Variants in TBCD observed in about 807,000 individuals in gnomAD.
TBCD encodes the protein tubulin folding cofactor D, also known as tubulin-specific chaperone D.
A neutral mutation model predicts 169.3 loss-of-function variants in TBCD; 105 were observed. The ratio of observed to expected loss-of-function variants is 0.62; its 90% CI spans 0.53 to 0.73. TBCD has a LOEUF of 0.73. Ranked by LOEUF, TBCD falls within the 30% of genes least tolerant of loss-of-function variation. The probability of loss-of-function intolerance (pLI) is 0.00; values close to 1 mark genes in which losing one functional copy is unlikely to be tolerated. For synonymous variants in TBCD, 700 were observed against 643.9 expected (o/e 1.09, Z -1.32); for missense variants, 1,444 against 1,600.1 (o/e 0.90, Z 1.66).
Position 82,831,276 on chromosome 17 carries a change from T to G in TBCD, c.1318+16342T>G, listed in dbSNP as rs1375704251. On this transcript the variant is annotated intron_variant, in intron 13 of 38. Transcript: ENST00000355528. The surrounding 1 kb of genome is among the most constrained non-coding windows in gnomAD (Gnocchi z 4.6). ...GGCTCATTTTGGACCCTTCCGTGTC[T>G]CTCTGCCCAGCCTTGGAGGAGTCTT... The G allele has an allele frequency of 6.2e-7, 1 of 1,613,904 alleles. No homozygotes were observed. The highest frequency in any genetic ancestry group is 1.7e-5 in the Admixed American group (1 of 60,020).
intron 9 of TBCD, among the ~76,000 whole-genome samples, chr17:82,803,258 G>A (rs1345966752): frequency 1.7e-4 from 26 of 152,178 alleles, no homozygotes; most frequent in Non-Finnish European, 1.5e-5. Flanking sequence ...TCCACAGCAT[G>A]GTCCTTGCTT....
chr17:82,774,038 C>CTTTT (rs34066502), intron 6 of TBCD, among the ~76,000 whole-genome samples: 172 of 138,530 alleles, frequency 1.2e-3, no homozygotes, highest in African/African-American at 4.4e-3. Context: ...CCGAGTGTGT[C>CTTTT]TTTTTTTTTT....
In TBCD at chr17:82,905,951, T is replaced by C. The variant is rs774177848; in HGVS notation, c.1820T>C (p.Leu607Pro). The C allele has an allele frequency of 6.2e-7, 1 of 1,612,670 alleles. No homozygotes were observed. Among genetic ancestry groups the C allele is most frequent in the Non-Finnish European group, 8.5e-7 (1 of 1,179,310 alleles). ...FSATQVFPRL[L>P]SMTLSPDLHM... Reference sequence around the variant, plus strand: ...TCTCTTGCAGTCTTCCCGAGGCTGCTGTCCATGACACTGAGTCCAGATCTT... The same window carrying C: ...TCTCTTGCAGTCTTCCCGAGGCTGCCGTCCATGACACTGAGTCCAGATCTT... The change falls in exon 20 of 39, where the codon CTG becomes CCG. Residue 607 changes from leucine to proline, a missense_variant. Physicochemically the swap from Leu to Pro is moderately conservative, Grantham distance 98. Coordinates refer to ENST00000355528, the MANE Select transcript of TBCD (RefSeq NM_005993.5).
At chr17:82,760,963 C>CTT (rs34838658) in intron 2 of TBCD, among the ~76,000 whole-genome samples, 2 of 144,416 alleles carry the variant, frequency 1.4e-5, no homozygotes, top group African/African-American at 5.1e-5. Flanking sequence ...GTTTTTCAGT[C>CTT]TTTTTTTTTT....
At position 82,832,294 on chromosome 17, in the gene TBCD, G is replaced by C. The variant is rs1177575279; in HGVS notation, c.1318+17360G>C. On this transcript the variant is annotated intron_variant, in intron 13 of 38. Transcript: ENST00000355528. This position sits in a 1 kb window ranked among gnomAD's most constrained non-coding sequence, Gnocchi z 4.9. ...AACTCGATCCTGCTCTGATACTAAA[G>C]TAATCGAGTTTTTACAAAGACCATA... 1 of 1,614,248 alleles carries C rather than the reference G, an allele frequency of 6.2e-7. No individual in the cohort carries two copies. Among genetic ancestry groups the C allele is most frequent in the Non-Finnish European group, 8.5e-7 (1 of 1,180,052 alleles).
At chr17:82,888,199 C>T (rs946222256) in intron 15 of TBCD, among the ~76,000 whole-genome samples, 13 of 152,168 alleles carry the variant, frequency 8.5e-5, no homozygotes, top group African/African-American at 3.1e-4. Flanking sequence ...GATGCTGTCC[C>T]GTGTTTTCTG....
intron 2 of TBCD, among the ~76,000 whole-genome samples, chr17:82,758,300 C>A (rs1385975871): frequency 6.9e-6 from 1 of 144,594 alleles, no homozygotes; most frequent in Non-Finnish European, 1.5e-5. Flanking sequence ...AGGAGAATTG[C>A]CCGAACCCAG....
chr17:82,815,401 C>A (rs2051804579), intron 13 of TBCD, among the ~76,000 whole-genome samples: 1 of 152,174 alleles, frequency 6.6e-6, no homozygotes, highest in South Asian at 2.1e-4. Context: ...TCCTGGGTCA[C>A]CTGGAGTGAC....
chr17:82,849,991 C>CTGTTGGCTGTGTTGT (rs2055541542), intron 13 of TBCD, among the ~76,000 whole-genome samples: 1 of 122,386 alleles, frequency 8.2e-6, no homozygotes, highest in African/African-American at 3.2e-5. Context: ...GGCTGTGCTG[C>CTGTTGGCTGTGTTGT]TGTTGGCTGT....
At position 82,830,957 on chromosome 17, in the gene TBCD, C is replaced by T. The variant is rs1337207718; in HGVS notation, c.1318+16023C>T. 8.7e-6 allele frequency: 14 copies of T among 1,613,288 alleles called. No homozygotes were observed. The East Asian group carries it at 2.9e-4, about 33-fold the overall frequency. On this transcript the variant is annotated intron_variant, in intron 13 of 38. Coordinates refer to ENST00000355528, the MANE Select transcript of TBCD (RefSeq NM_005993.5). Reference sequence around the variant, plus strand: ...TGAAGCAGTGTGAGCAAGTATAAGCCTGGCTCATGGAACCCAACCAGAAAC... The same window carrying T: ...TGAAGCAGTGTGAGCAAGTATAAGCTTGGCTCATGGAACCCAACCAGAAAC...
intron 2 of TBCD, among the ~76,000 whole-genome samples, chr17:82,758,397 A>ATAAATT (rs1453813033): frequency 7.8e-6 from 1 of 127,422 alleles, no homozygotes; most frequent in African/African-American, 3.0e-5. Context: ...AAAAAAAAAA[A>ATAAATT]AAAAAATAAA....
At position 82,752,276 on chromosome 17, in the gene TBCD, A is replaced by C; in HGVS notation, c.83A>C (p.Glu28Ala). The change falls in exon 1 of 39, where the codon GAA becomes GCA. Residue 28 changes from glutamate (E) to alanine (A), a missense_variant. Transcript: ENST00000355528. ...DETLAFGAAL[E>A]AFGESAETRA... ...ACACTGGCCTTTGGCGCGGCGCTGG[A>C]AGCGTTCGGCGAGAGCGCGGAGACC... The C allele has an allele frequency of 6.6e-7, 1 of 1,516,922 alleles. No homozygotes were observed. Among genetic ancestry groups the C allele is most frequent in the Non-Finnish European group, 8.8e-7 (1 of 1,138,064 alleles). 94.0% of individuals were successfully genotyped at this position (1,516,922 alleles called of 1,614,324 possible). A position where few individuals can be genotyped will look rare whatever the true frequency, so the allele number is the denominator to read the frequency against.
At chr17:82,888,869 C>T (rs1046230176) in intron 15 of TBCD, among the ~76,000 whole-genome samples, 5 of 152,230 alleles carry the variant, frequency 3.3e-5, no homozygotes, top group African/African-American at 4.8e-5. Context: ...TCCCTGAAGC[C>T]GCCAGCCTCC....
In TBCD at chr17:82,855,306, G is replaced by A. The variant is rs529610417; in HGVS notation, c.1319-14918G>A. 4.4e-5 allele frequency among the ~76,000 whole-genome samples: 6 copies of A among 135,234 alleles called. 1 individual carries two copies. The South Asian group carries it at 1.2e-3, about 27-fold the overall frequency. 88.7% of individuals were successfully genotyped at this position (135,234 alleles called of 152,430 possible). On this transcript the variant is annotated intron_variant, in intron 13 of 38. Transcript: ENST00000355528. ...GAGCCAGGGTCACTCTGTTGCTCAC[G>A]CTGGAGTGAGTGCCATGGTGTAGTC...
chr17:82,887,168 T>TGTGTGTGCGC lies in TBCD; in HGVS notation c.1534-2499_1534-2498insTGTGTGCGCG. On this transcript the variant is annotated intron_variant, in intron 15 of 38. Coordinates refer to ENST00000355528, the MANE Select transcript of TBCD (RefSeq NM_005993.5). ...GTGTGTGTGTGTGTGTGTGTGTGTG[T>TGTGTGTGCGC]GCGCGCGCGCGCACGTGCGCTCACG... Among the ~76,000 whole-genome samples the TGTGTGTGCGC allele has an allele frequency of 1.3e-3, 168 of 126,176 alleles. No individual in the cohort carries two copies. The South Asian group carries it at 0.017, about 13-fold the overall frequency. 82.8% of individuals were successfully genotyped at this position (126,176 alleles called of 152,430 possible).
chr17:82,774,494 C>T (rs2048466317), intron 6 of TBCD, among the ~76,000 whole-genome samples: 2 of 152,340 alleles, frequency 1.3e-5, no homozygotes, highest in South Asian at 2.1e-4. Context: ...TTCTTTTCCC[C>T]ACATTTCCCC....
At chr17:82,886,703 T>G (rs1246598399) in intron 15 of TBCD, among the ~76,000 whole-genome samples, 3 of 87,950 alleles carry the variant, frequency 3.4e-5, no homozygotes, top group Non-Finnish European at 6.8e-5. Context: ...CCCCTCCCAC[T>G]CTGTCACCCA....
At position 82,809,802 on chromosome 17, in the gene TBCD, G is replaced by C; in HGVS notation, c.1223+20G>C. Reference sequence around the variant, plus strand: ...CTTCAGGTATGTGAGAAGAGCAGGGGAGGCGTGTGGGCCTGACCCTGAGTT... The same window carrying C: ...CTTCAGGTATGTGAGAAGAGCAGGGCAGGCGTGTGGGCCTGACCCTGAGTT... On this transcript the variant is annotated intron_variant, in intron 12 of 38. Transcript: ENST00000355528. 1.2e-6 allele frequency: 2 copies of C among 1,611,476 alleles called. No homozygotes were observed. Among genetic ancestry groups the C allele is most frequent in the Non-Finnish European group, 1.7e-6 (2 of 1,178,544 alleles).
chr17:82,777,213 T>G (rs1386880122), intron 6 of TBCD, among the ~76,000 whole-genome samples: 1 of 152,202 alleles, frequency 6.6e-6, no homozygotes, highest in African/African-American at 2.4e-5. Flanking sequence ...GAATTATTGA[T>G]TCATTTGGGG....
Sources: gnomAD v4.1 joint callset for allele counts (sites outside exome capture counted in the v4.1 genomes callset) on GRCh38, gnomAD v4.1.1 for gene constraint, Gnocchi (gnomAD v3.1) non-coding constraint, MANE v1.5 for transcripts, NCBI Gene and HGNC (gene_info 2026-07-23, HGNC 2026-07-21) for gene names.